The following MAPKAP1 variants were observed in gnomAD, a reference collection of about 807,000 sequenced individuals.
MAPKAP1 encodes the protein target of rapamycin complex 2 subunit MAPKAP1.
A neutral mutation model predicts 65.7 loss-of-function variants in MAPKAP1; 20 were observed. The observed-to-expected ratio is 0.30, with a 90% CI of 0.21 to 0.44. The LOEUF is 0.44. MAPKAP1 is among the 20% of genes least tolerant of loss of function. The pLI is 1.00. For synonymous variants in MAPKAP1, 222 were observed against 244.3 expected, an observed-to-expected ratio of 0.91 and a Z score of 0.85; for missense variants, 423 against 648.0, an observed-to-expected ratio of 0.65 and a Z score of 3.77.
chr9:125,565,947 G>A (rs1183384681), intron 5 of MAPKAP1, among the ~76,000 whole-genome samples: 1 of 151,982 alleles, frequency 6.6e-6, no homozygotes, highest in Non-Finnish European at 1.5e-5. Flanking sequence ...TCTAGGTCAC[G>A]GAACAAAATG....
intron 9 of MAPKAP1, 75 bp downstream of exon 9, chr9:125,484,368 T>C (rs1321633877): frequency 1.4e-6 from 2 of 1,419,742 alleles, no homozygotes; most frequent in Non-Finnish European, 1.9e-6. Flanking sequence ...ATAAAAGTTG[T>C]ATGTTGTTTC....
chr9:125,584,501 C>A (rs1283048830), intron 5 of MAPKAP1, among the ~76,000 whole-genome samples: 5 of 152,110 alleles, frequency 3.3e-5, no homozygotes, highest in African/African-American at 9.7e-5. Flanking sequence ...TGCAGTGGCG[C>A]GATCTCGGTT....
chr9:125,580,737 T>TTG (rs377739757), intron 5 of MAPKAP1, among the ~76,000 whole-genome samples: 23 of 151,376 alleles, frequency 1.5e-4, no homozygotes, highest in South Asian at 6.3e-4. Context: ...TTACATGTAC[T>TTG]TGTGTGTGTG....
chr9:125,444,389 C>G (rs560038291), intron 11 of MAPKAP1, 112 bp downstream of exon 11: 8 of 817,646 alleles, frequency 9.8e-6, no homozygotes, highest in African/African-American at 7.0e-5. Flanking sequence ...AAACTGGGCC[C>G]GGGAACCTTC....
intron 1 of MAPKAP1, among the ~76,000 whole-genome samples, chr9:125,694,229 G>A (rs1270207124): frequency 1.3e-5 from 2 of 151,846 alleles, no homozygotes; most frequent in African/African-American, 2.4e-5. Flanking sequence ...TTGGGAGGCT[G>A]AGGCAGGAGA....
In MAPKAP1 at chr9:125,455,824, A is replaced by G. The variant is rs1853142482; in HGVS notation, c.1346-11226T>C. On this transcript the variant is annotated intron_variant, in intron 10 of 11. Coordinates refer to ENST00000265960, the MANE Select transcript of MAPKAP1 (RefSeq NM_001006617.3). ...CCTTCCCTTTTTCTTGGTTCATTCC[A>G]TATCGTTGGTAACTGATATTTTGAG... 8.5e-5 allele frequency among the ~76,000 whole-genome samples: 13 copies of G among 152,324 alleles called. No individual in the cohort carries two copies. In the South Asian group the frequency reaches 2.7e-3, roughly 32 times the overall value.
intron 7 of MAPKAP1, among the ~76,000 whole-genome samples, chr9:125,521,206 T>C (rs1373381594): frequency 1.3e-5 from 2 of 152,210 alleles, no homozygotes; most frequent in African/African-American, 4.8e-5. Flanking sequence ...TGAGGAGTGC[T>C]AATACTCTAC....
chr9:125,627,450 C>A lies in MAPKAP1; in HGVS notation c.498+30201G>T, dbSNP rs372846938. On this transcript the variant is annotated intron_variant, in intron 4 of 11. Coordinates refer to ENST00000265960, the MANE Select transcript of MAPKAP1 (RefSeq NM_001006617.3). ...TATAGTGAACCATATAAAGTGAAGA[C>A]CCTCTCTAATCTTTCCAGTTTTAGA... 2.0e-5 allele frequency among the ~76,000 whole-genome samples: 3 copies of A among 152,266 alleles called. No individual in the cohort carries two copies. In the East Asian group the frequency reaches 5.8e-4, roughly 29 times the overall value.
At chr9:125,674,405 G>C (rs1180701072) in intron 1 of MAPKAP1, among the ~76,000 whole-genome samples, 1 of 152,220 alleles carries the variant, frequency 6.6e-6, no homozygotes, top group Non-Finnish European at 1.5e-5. Context: ...AGAGGACACT[G>C]CAAGTCATCT....
At chr9:125,572,677 C>T (rs151138030) in intron 5 of MAPKAP1, among the ~76,000 whole-genome samples, 3,266 of 152,296 alleles carry the variant, frequency 0.021, 46 homozygotes, top group Middle Eastern at 0.044. Flanking sequence ...GATCAGTATT[C>T]TAATTCTGGG....
chr9:125,626,742 A>G (rs977462702), intron 4 of MAPKAP1, among the ~76,000 whole-genome samples: 36 of 152,214 alleles, frequency 2.4e-4, no homozygotes, highest in African/African-American at 8.7e-4. Context: ...ATAATAAAGT[A>G]GATACATTTA....
chr9:125,468,007 A>G lies in MAPKAP1; in HGVS notation c.1310T>C (p.Leu437Pro). The change falls in exon 10 of 12, where the codon CTC becomes CCC. Residue 437 changes from leucine to proline, a missense_variant. By Grantham distance (98) the Leu-to-Pro change is moderately conservative (BLOSUM62 -3). Around this residue, in one of 6 missense-constraint regions of MAPKAP1, gnomAD observed 185 missense variants for 268.1 expected, o/e 0.69. Transcript: ENST00000265960. ...QKPISIDSDL[L>P]CACDLAEEKS... ...CTCTTCAGCAAGGTCACAGGCACAG[A>G]GCAGGTCGGAATCGATTGAGATGGG... 1 of 1,614,216 alleles carries G rather than the reference A, an allele frequency of 6.2e-7. No homozygotes were observed. Among genetic ancestry groups the G allele is most frequent in the Non-Finnish European group, 8.5e-7 (1 of 1,180,040 alleles).
At chr9:125,679,638 C>A (rs1834762610) in intron 1 of MAPKAP1, among the ~76,000 whole-genome samples, 1 of 152,106 alleles carries the variant, frequency 6.6e-6, no homozygotes, top group Non-Finnish European at 1.5e-5. Flanking sequence ...GACTCATGTA[C>A]CTTTACTTCA....
chr9:125,459,332 T>G (rs1853360771), intron 10 of MAPKAP1, among the ~76,000 whole-genome samples: 2 of 133,376 alleles, frequency 1.5e-5, no homozygotes, highest in African/African-American at 2.9e-5. Context: ...CTTTCCAGAC[T>G]GGGCAGCCAG....
At chr9:125,626,456 G>A (rs1245152802) in intron 4 of MAPKAP1, among the ~76,000 whole-genome samples, 2 of 152,096 alleles carry the variant, frequency 1.3e-5, no homozygotes, top group South Asian at 2.1e-4. Context: ...GGTGAGTCAT[G>A]CCAATGTTTA....
intron 7 of MAPKAP1, among the ~76,000 whole-genome samples, chr9:125,521,270 C>T (rs149704844): frequency 6.8e-6 from 1 of 147,694 alleles, no homozygotes; most frequent in East Asian, 2.0e-4. Context: ...GAAAGGAGGT[C>T]CCCTACTATT....
At chr9:125,600,457 G>GT (rs1359669673) in intron 4 of MAPKAP1, among the ~76,000 whole-genome samples, 1 of 152,136 alleles carries the variant, frequency 6.6e-6, no homozygotes, top group East Asian at 1.9e-4. Context: ...ATAAAATAGA[G>GT]ATAAGACCAT....
chr9:125,467,982 C>A lies in MAPKAP1; in HGVS notation c.1335G>T (p.Glu445Asp), dbSNP rs566104427. The A allele has an allele frequency of 6.2e-7, 1 of 1,614,134 alleles. No individual in the cohort carries two copies. Among genetic ancestry groups the A allele is most frequent in the South Asian group, 1.1e-5 (1 of 91,074 alleles). The change falls in exon 10 of 12, where the codon GAG becomes GAT. Residue 445 changes from glutamate (E) to aspartate (D), a missense_variant. Coordinates refer to ENST00000265960, the MANE Select transcript of MAPKAP1 (RefSeq NM_001006617.3). ...AAAGGGACTACTCACTGGGGCTTTT[C>A]TCTTCAGCAAGGTCACAGGCACAGA... ...DLLCACDLAE[E>D]KSPSHAIFKL...
intron 10 of MAPKAP1, among the ~76,000 whole-genome samples, chr9:125,461,200 T>C (rs969704606): frequency 1.3e-5 from 2 of 152,232 alleles, no homozygotes; most frequent in African/African-American, 4.8e-5. Flanking sequence ...AAGCTGGCCG[T>C]CTGCTTACGG....
Sources: gnomAD v4.1 joint callset for allele counts (sites outside exome capture counted in the v4.1 genomes callset) on GRCh38, gnomAD v4.1.1 for gene constraint, gnomAD v4.1.1 regional missense constraint, MANE v1.5 for transcripts, NCBI Gene and HGNC (gene_info 2026-07-23, HGNC 2026-07-21) for gene names.